The following TRUB1 variants were observed in gnomAD, a reference collection of about 807,000 sequenced individuals.
TRUB1 encodes the protein pseudouridylate synthase TRUB1.
Under a neutral mutation model 33.9 loss-of-function variants are expected in TRUB1, and 23 were observed. That is an observed-to-expected ratio of 0.68 (90% CI 0.49 to 0.96). The LOEUF is 0.96. Ranked by LOEUF, TRUB1 falls within the 40% of genes least tolerant of loss-of-function variation. TRUB1 has a pLI of 0.00. For missense variants in TRUB1, 378 were observed against 422.2 expected (o/e 0.90, Z 0.92); for synonymous variants, 163 against 165.4 (o/e 0.99, Z 0.11).
chr10:114,970,167 A>G (rs2084328924), intron 4 of TRUB1, among the ~76,000 whole-genome samples: 1 of 152,220 alleles, frequency 6.6e-6, no homozygotes, highest in Admixed American at 6.5e-5. Context: ...TTAATAAAGA[A>G]TATAAGACTT....
chr10:114,957,177 C>A (rs2084265147), intron 3 of TRUB1, among the ~76,000 whole-genome samples: 1 of 152,150 alleles, frequency 6.6e-6, no homozygotes, highest in African/African-American at 2.4e-5. Flanking sequence ...CAATGGGAAA[C>A]TCTAGCTGAG....
intron 5 of TRUB1, among the ~76,000 whole-genome samples, chr10:114,971,316 G>A (rs113714624): frequency 5.6e-4 from 85 of 152,128 alleles, no homozygotes; most frequent in African/African-American, 1.8e-3. Flanking sequence ...CCATATTTTC[G>A]TGCACATTAC....
intron 4 of TRUB1, among the ~76,000 whole-genome samples, chr10:114,964,507 T>G (rs1564700932): frequency 6.6e-6 from 1 of 152,202 alleles, no homozygotes; most frequent in East Asian, 1.9e-4. Context: ...TCTTGTCTTT[T>G]GAAAAACACA....
intron 1 of TRUB1, among the ~76,000 whole-genome samples, 186 bp from the exon 2 acceptor site, chr10:114,942,459 T>G (rs1356976662): frequency 1.3e-5 from 2 of 152,226 alleles, no homozygotes; most frequent in African/African-American, 4.8e-5. Context: ...TCTTTATAAT[T>G]TAGGGAATGT....
intron 3 of TRUB1, among the ~76,000 whole-genome samples, chr10:114,957,122 A>G (rs1212090540): frequency 6.6e-6 from 1 of 152,230 alleles, no homozygotes; most frequent in Non-Finnish European, 1.5e-5. Context: ...ACTTTTTATT[A>G]AGCTGCTACT....
At chr10:114,959,506 A>G (rs916048662) in intron 3 of TRUB1, among the ~76,000 whole-genome samples, 4 of 152,212 alleles carry the variant, frequency 2.6e-5, no homozygotes, top group Non-Finnish European at 5.9e-5. Flanking sequence ...AATCAGGTTT[A>G]TCTTTCTCAT....
In TRUB1 at chr10:114,972,270, A is replaced by G. The variant is rs763834000; in HGVS notation, c.732A>G (p.Thr244=). 2.5e-6 allele frequency: 4 copies of G among 1,595,726 alleles called. No homozygotes were observed. Among genetic ancestry groups the G allele is most frequent in the African/African-American group, 2.7e-5 (2 of 73,862 alleles). ...AAAAATTCCAGCCACCATTTTTCAC[A>G]TTAGGTAAGATGGAGAAATTTGAAA... is the stretch of plus-strand genomic sequence containing the variant. ...SLQKFQPPFF[T]LDVECGGGFY... Residue 244 remains threonine, a synonymous_variant, in exon 6 of 8, where the codon ACA becomes ACG. Transcript: ENST00000298746.
chr10:114,938,731 C>T (rs1255608333), intron 1 of TRUB1, among the ~76,000 whole-genome samples, 192 bp downstream of exon 1: 1 of 152,202 alleles, frequency 6.6e-6, no homozygotes. Context: ...TTGTAGCCTA[C>T]TTGGCAGTTG....
chr10:114,974,557 A>C (rs1278946368), intron 7 of TRUB1, among the ~76,000 whole-genome samples, 172 bp downstream of exon 7: 1 of 152,064 alleles, frequency 6.6e-6, no homozygotes, highest in Non-Finnish European at 1.5e-5. Flanking sequence ...TATCAGCCTC[A>C]GCAGCTGCAG....
intron 1 of TRUB1, among the ~76,000 whole-genome samples, chr10:114,941,850 T>C (rs2084188346): frequency 6.6e-6 from 1 of 152,098 alleles, no homozygotes; most frequent in Non-Finnish European, 1.5e-5. Context: ...AGTGGCGTGA[T>C]CTTGGCTCAC....
At chr10:114,970,031 C>T (rs981828199) in intron 4 of TRUB1, among the ~76,000 whole-genome samples, 2 of 152,118 alleles carry the variant, frequency 1.3e-5, no homozygotes, top group Admixed American at 6.6e-5. Flanking sequence ...ACTGCAGGAT[C>T]ATTTCTATAG....
intron 1 of TRUB1, among the ~76,000 whole-genome samples, chr10:114,942,169 G>A: frequency 6.6e-6 from 1 of 152,194 alleles, no homozygotes; most frequent in Non-Finnish European, 1.5e-5. Context: ...AGTGTATTTA[G>A]AAGTAGCCCT....
In TRUB1 at chr10:114,977,371, T is replaced by C. The variant is rs1168151599; in HGVS notation, c.*1992T>C. The stretch of plus-strand genomic sequence containing the variant: ...ATTTTAATTATATTACTTTATACTC[T>C]TAATTTATTTAGAGTATTTCTCTAT... On this transcript the variant is annotated 3_prime_UTR_variant, in exon 8 of 8. Coordinates refer to ENST00000298746, the MANE Select transcript of TRUB1 (RefSeq NM_139169.5). 1.3e-5 allele frequency: 2 copies of C among 152,088 alleles called. No homozygotes were observed. Among genetic ancestry groups the C allele is most frequent in the Non-Finnish European group, 2.9e-5 (2 of 67,954 alleles). 9.4% of individuals were successfully genotyped at this position (152,088 alleles called of 1,614,324 possible). A position where few individuals can be genotyped will look rare whatever the true frequency, so the allele number is the denominator to read the frequency against.
At chr10:114,951,000 C>T (rs2084232679) in intron 2 of TRUB1, 94 bp from the exon 3 acceptor site, 2 of 1,064,298 alleles carry the variant, frequency 1.9e-6, no homozygotes, top group South Asian at 2.8e-5. Flanking sequence ...CTTCACATTA[C>T]CTAAGCTGGG....
intron 4 of TRUB1, 84 bp downstream of exon 4, chr10:114,959,891 ATAT>A (rs2084278098): frequency 1.3e-6 from 1 of 773,510 alleles, no homozygotes; most frequent in Admixed American, 2.6e-5. Context: ...CAAATCTCTG[ATAT>A]TATCAGCCAT....
intron 1 of TRUB1, 128 bp downstream of exon 1, chr10:114,938,667 C>T: frequency 9.2e-7 from 1 of 1,083,424 alleles, no homozygotes; most frequent in Non-Finnish European, 1.3e-6. Flanking sequence ...ATTGAATTAG[C>T]TCTGGACAGG....
At chr10:114,960,692 A>G (rs903657724) in intron 4 of TRUB1, among the ~76,000 whole-genome samples, 6 of 152,092 alleles carry the variant, frequency 3.9e-5, no homozygotes, top group East Asian at 1.9e-4. Context: ...AAAATTACTG[A>G]TTGATTTCAA....
chr10:114,970,326 T>G (rs112703595), intron 4 of TRUB1, 42 bp from the exon 5 acceptor site: 1 of 1,393,662 alleles, frequency 7.2e-7, no homozygotes, highest in Non-Finnish European at 1.0e-6. Flanking sequence ...GTACATGTAC[T>G]TCTGTGGTTG....
At position 114,967,632 on chromosome 10, in the gene TRUB1, C is replaced by A. The variant is rs537071933; in HGVS notation, c.524-2736C>A. On this transcript the variant is annotated intron_variant, in intron 4 of 7. Transcript: ENST00000298746. ...TAATTTACTAAACAAAAAATAATTA[C>A]CCAAGTCCTATGACACTTGTACCTC... is the stretch of plus-strand genomic sequence containing the variant. 2.4e-4 allele frequency among the ~76,000 whole-genome samples: 37 copies of A among 152,202 alleles called. No individual in the cohort carries two copies. In the South Asian group the frequency reaches 6.4e-3, roughly 26 times the overall value.
Sources: allele counts gnomAD v4.1 joint callset (sites outside exome capture counted in the v4.1 genomes callset), GRCh38; gene constraint gnomAD v4.1.1; transcripts MANE v1.5; gene names NCBI Gene and HGNC (gene_info 2026-07-23, HGNC 2026-07-21).